DCUN1D4: variants seen among roughly 807,000 people sequenced by gnomAD.
The protein encoded by DCUN1D4 is defective in cullin neddylation 1 domain containing 4, also known as DCN1-like protein 4.
A neutral mutation model predicts 47.9 loss-of-function variants in DCUN1D4; 22 were observed. The observed-to-expected ratio is 0.46, with a 90% CI of 0.33 to 0.66. DCUN1D4 has a LOEUF of 0.66. Ranked by LOEUF, DCUN1D4 falls within the 30% of genes least tolerant of loss-of-function variation. The probability of loss-of-function intolerance (pLI) is 0.02; values close to 1 mark genes in which losing one functional copy is unlikely to be tolerated. For missense variants in DCUN1D4, 301 were observed against 340.8 expected (o/e 0.88, Z 0.92); for synonymous variants, 121 against 112.2 (o/e 1.08, Z -0.50).
rs183927477 is a variant in DCUN1D4, at chr4:51,858,928, A to G, written c.26-4509A>G. On this transcript the variant is annotated intron_variant, in intron 1 of 10. Coordinates refer to ENST00000334635, the MANE Select transcript of DCUN1D4 (RefSeq NM_001040402.3). ...AGAAATATTTACAATCTGGCCCTTC[A>G]TACAGAGTTTACCAGGCTCTGCTTT... 5.3e-5 allele frequency among the ~76,000 whole-genome samples: 8 copies of G among 152,376 alleles called. No homozygotes were observed. In the South Asian group the frequency reaches 1.4e-3, roughly 28 times the overall value.
chr4:51,842,261 CT>C (rs1721725258), upstream of DCUN1D4, among the ~76,000 whole-genome samples: 1 of 152,152 alleles, frequency 6.6e-6, no homozygotes, highest in African/African-American at 2.4e-5. Context: ...GGTCTGCCCC[CT>C]GGACTCGTCC....
At chr4:51,840,975 C>A (rs1487492888), upstream of DCUN1D4, among the ~76,000 whole-genome samples, 1 of 152,168 alleles carries the variant, frequency 6.6e-6, no homozygotes, top group East Asian at 1.9e-4. Flanking sequence ...TGAGAAATAA[C>A]AGAGGTTGTA....
intron 8 of DCUN1D4, among the ~76,000 whole-genome samples, chr4:51,906,738 C>T (rs1469206809): frequency 2.0e-5 from 3 of 152,190 alleles, no homozygotes; most frequent in Non-Finnish European, 4.4e-5. Flanking sequence ...TTAGTTGTTG[C>T]AGAGCCAGGC....
chr4:51,853,145 G>A (rs990465916), intron 1 of DCUN1D4, among the ~76,000 whole-genome samples: 1 of 152,224 alleles, frequency 6.6e-6, no homozygotes, highest in African/African-American at 2.4e-5. Context: ...GGCACAGGCA[G>A]TGTGGTGGGC....
chr4:51,853,684 T>C (rs1723698921), intron 1 of DCUN1D4, among the ~76,000 whole-genome samples: 2 of 152,212 alleles, frequency 1.3e-5, no homozygotes, highest in Admixed American at 6.5e-5. Flanking sequence ...TTAATTGATC[T>C]GGATTGGGGC....
chr4:51,902,514 A>G (rs746287170), intron 8 of DCUN1D4, among the ~76,000 whole-genome samples: 20 of 152,208 alleles, frequency 1.3e-4, no homozygotes, highest in Non-Finnish European at 1.9e-4. Context: ...ATCTCTAGTA[A>G]TATTCCTTAT....
rs1022813996 is a variant in DCUN1D4 at position 51,843,247 on chromosome 4, A to G, written c.5A>G (p.His2Arg). The change falls in exon 1 of 11, where the codon CAC (histidine) becomes CGC (arginine). Residue 2 changes from histidine (H) to arginine (R), a missense_variant. His to Arg is a conservative substitution (Grantham distance 29). This residue lies in a region of DCUN1D4 where 131 missense variants were observed against 106.3 expected (regional missense o/e 1.23). Coordinates refer to ENST00000334635, the MANE Select transcript of DCUN1D4 (RefSeq NM_001040402.3). ...CCGGGTGTGAGCTGCCTGAAAATGCACTCGGATGCCGCCGCTGTCAGTGAG... is the reference window on the plus strand; with the variant it reads ...CCGGGTGTGAGCTGCCTGAAAATGCGCTCGGATGCCGCCGCTGTCAGTGAG... Reference protein sequence around the residue: MHSDAAAVNFQL... With the variant: MRSDAAAVNFQL... The G allele has an allele frequency of 4.5e-6, 7 of 1,540,310 alleles. No individual in the cohort carries two copies. The African/African-American group carries it at 9.7e-5, about 21-fold the overall frequency.
At chr4:51,888,528 G>T (rs564658476) in intron 6 of DCUN1D4, among the ~76,000 whole-genome samples, 2 of 151,042 alleles carry the variant, frequency 1.3e-5, no homozygotes, top group Non-Finnish European at 3.0e-5. Context: ...ATCACCTGAG[G>T]TCAGCAGTTC....
intron 8 of DCUN1D4, among the ~76,000 whole-genome samples, chr4:51,903,737 A>G (rs983580762): frequency 6.6e-6 from 1 of 151,990 alleles, no homozygotes; most frequent in Non-Finnish European, 1.5e-5. Flanking sequence ...GTCTTCCAAT[A>G]TTAATCTTTT....
At chr4:51,847,369 C>T (rs1369038270) in intron 1 of DCUN1D4, among the ~76,000 whole-genome samples, 1 of 152,148 alleles carries the variant, frequency 6.6e-6, no homozygotes, top group African/African-American at 2.4e-5. Context: ...TGGCACTGAG[C>T]TTTTTAATAG....
chr4:51,915,901 A>C lies in DCUN1D4; in HGVS notation c.*2317A>C, dbSNP rs1421996599. On this transcript the variant is annotated 3_prime_UTR_variant, in exon 11 of 11. Transcript: ENST00000334635. ...ATTAAGAAAACTCCAAATAATCTTT[A>C]AACTGCCTTGAAAAATAAACCTCTT... 2.0e-5 allele frequency: 3 copies of C among 152,576 alleles called. 1 individual carries two copies. Among genetic ancestry groups the C allele is most frequent in the African/African-American group, 7.2e-5 (3 of 41,458 alleles). 9.5% of individuals were successfully genotyped at this position (152,576 alleles called of 1,614,324 possible).
chr4:51,902,866 C>G (rs1349838352), intron 8 of DCUN1D4, among the ~76,000 whole-genome samples: 3 of 151,330 alleles, frequency 2.0e-5, no homozygotes, highest in African/African-American at 7.3e-5. Flanking sequence ...CTTTTTTTTC[C>G]TAGTAGTTGC....
chr4:51,900,149 A>G (rs1731879661), intron 8 of DCUN1D4, among the ~76,000 whole-genome samples: 1 of 152,136 alleles, frequency 6.6e-6, no homozygotes, highest in South Asian at 2.1e-4. Flanking sequence ...TTTTTTTTTA[A>G]GGCAGAGAAC....
chr4:51,845,279 G>T (rs1163928327), intron 1 of DCUN1D4: 1 of 985,256 alleles, frequency 1.0e-6, no homozygotes, highest in Non-Finnish European at 1.2e-6. Flanking sequence ...TATAAACTAT[G>T]TGTTGGTATT....
At chr4:51,906,091 G>C (rs557226474) in intron 8 of DCUN1D4, among the ~76,000 whole-genome samples, 1 of 152,248 alleles carries the variant, frequency 6.6e-6, no homozygotes, top group Non-Finnish European at 1.5e-5. Context: ...TAAAGAAGTC[G>C]AATGAAGAGT....
intron 3 of DCUN1D4, among the ~76,000 whole-genome samples, chr4:51,870,932 C>CTGT (rs1726791186): frequency 6.6e-6 from 1 of 151,790 alleles, no homozygotes; most frequent in Non-Finnish European, 1.5e-5. Flanking sequence ...ACCAGCTGTG[C>CTGT]TGTGTGGTCC....
intron 1 of DCUN1D4, among the ~76,000 whole-genome samples, chr4:51,859,509 T>A (rs749336920): frequency 1.2e-4 from 18 of 151,936 alleles, no homozygotes; most frequent in Admixed American, 2.6e-4. Flanking sequence ...TTTATTAATG[T>A]TTATGTCTCC....
At chr4:51,846,821 TTTCTTC>T (rs796520185) in intron 1 of DCUN1D4, among the ~76,000 whole-genome samples, 1 of 152,236 alleles carries the variant, frequency 6.6e-6, no homozygotes, top group South Asian at 2.1e-4. Context: ...TCTGCATCTT[TTTCTTC>T]TTCTATTAGT....
intron 1 of DCUN1D4, among the ~76,000 whole-genome samples, chr4:51,857,815 C>T (rs1320195174): frequency 2.0e-5 from 3 of 152,228 alleles, no homozygotes; most frequent in African/African-American, 7.2e-5. Context: ...ACTTGAAGTG[C>T]CCTGAATGTA....
Sources: gnomAD v4.1 joint callset for allele counts (sites outside exome capture counted in the v4.1 genomes callset) on GRCh38, gnomAD v4.1.1 for gene constraint, gnomAD v4.1.1 regional missense constraint, MANE v1.5 for transcripts, NCBI Gene and HGNC (gene_info 2026-07-23, HGNC 2026-07-21) for gene names.